The following ANKRD12 variants were observed in gnomAD, a reference collection of about 807,000 sequenced individuals.
ANKRD12 encodes ankyrin repeat domain 12.
A neutral mutation model predicts 183.4 loss-of-function variants in ANKRD12; 85 were observed. The observed-to-expected ratio is 0.46, with a 90% confidence interval of 0.39 to 0.56. The LOEUF is 0.56. ANKRD12 is among the 20% of genes least tolerant of loss of function. ANKRD12 has a pLI of 0.00. For synonymous variants in ANKRD12, 914 were observed against 800.2 expected, an observed-to-expected ratio of 1.14 and a Z score of -2.40; for missense variants, 2,405 against 2,357.1, an observed-to-expected ratio of 1.02 and a Z score of -0.42.
chr18:9,156,151 A>AAAAG (rs1555707200), intron 1 of ANKRD12, among the ~76,000 whole-genome samples: 3 of 150,652 alleles, frequency 2.0e-5, no homozygotes, highest in Non-Finnish European at 3.0e-5. Flanking sequence ...AAAAAAAAAA[A>AAAAG]AAAAGAAAAA....
rs749820974 is a variant in ANKRD12 at position 9,256,150 on chromosome 18, G to A, written c.2883G>A (p.Lys961=). The change falls in exon 9 of 13, where the codon AAG becomes AAA. Residue 961 remains lysine (K), a synonymous_variant. Transcript: ENST00000262126. ...NKEKDRELDK[K]EKSRDKESIN... ...AAAAAGACAGGGAGCTAGATAAAAA[G>A]GAAAAATCTAGAGATAAAGAAAGTA... 3.9e-6 allele frequency: 6 copies of A among 1,553,796 alleles called. No homozygotes were observed. In the Admixed American group the frequency reaches 1.4e-4, roughly 36 times the overall value.
At chr18:9,248,152 T>C (rs1893198) in intron 8 of ANKRD12, among the ~76,000 whole-genome samples, 104,009 of 152,136 alleles carry the variant, frequency 0.68, 36,063 homozygotes, top group Middle Eastern at 0.81. Flanking sequence ...TTTTACAGTT[T>C]ACCTGTAGTG....
chr18:9,253,316 G>A (rs899525375), intron 8 of ANKRD12, among the ~76,000 whole-genome samples: 11 of 151,884 alleles, frequency 7.2e-5, no homozygotes, highest in Admixed American at 5.9e-4. Flanking sequence ...CTGTATTTTT[G>A]TACCCATTAA....
chr18:9,265,047 T>C (rs1280168706), intron 10 of ANKRD12, among the ~76,000 whole-genome samples: 2 of 152,098 alleles, frequency 1.3e-5, no homozygotes, highest in Admixed American at 1.3e-4. Context: ...CAGTCTGAGA[T>C]CAAACCGCAA....
intron 8 of ANKRD12, among the ~76,000 whole-genome samples, chr18:9,248,077 C>A (rs575456607): frequency 1.5e-4 from 23 of 152,304 alleles, no homozygotes; most frequent in African/African-American, 5.5e-4. Flanking sequence ...CATGAGCCAC[C>A]GTGCCCAACC....
chr18:9,203,234 A>G (rs1022584625), intron 3 of ANKRD12, among the ~76,000 whole-genome samples: 2 of 152,174 alleles, frequency 1.3e-5, no homozygotes, highest in Admixed American at 6.5e-5. Context: ...AATGTTATTG[A>G]TGATTCCTCT....
intron 8 of ANKRD12, among the ~76,000 whole-genome samples, chr18:9,238,550 A>G (rs1195140451): frequency 6.6e-6 from 1 of 152,210 alleles, no homozygotes; most frequent in Non-Finnish European, 1.5e-5. Context: ...CTCGAGAGTC[A>G]TCTAAACTCC....
chr18:9,240,323 T>C (rs1014258067), intron 8 of ANKRD12, among the ~76,000 whole-genome samples: 1 of 152,198 alleles, frequency 6.6e-6, no homozygotes, highest in Non-Finnish European at 1.5e-5. Flanking sequence ...ACTTCTGCCT[T>C]TTTCCATTAG....
At chr18:9,234,362 A>T (rs1477253709) in intron 8 of ANKRD12, among the ~76,000 whole-genome samples, 1 of 152,164 alleles carries the variant, frequency 6.6e-6, no homozygotes, top group Non-Finnish European at 1.5e-5. Context: ...TCTCTCTCTC[A>T]CAAGGCTGAG....
At chr18:9,139,099 G>A (rs1246955566) in intron 1 of ANKRD12, among the ~76,000 whole-genome samples, 1 of 152,206 alleles carries the variant, frequency 6.6e-6, no homozygotes, top group Admixed American at 6.5e-5. Context: ...CGCAGAACTG[G>A]GAAAGTGGAA....
chr18:9,162,075 G>C (rs1386050198), intron 1 of ANKRD12, among the ~76,000 whole-genome samples: 4 of 152,002 alleles, frequency 2.6e-5, no homozygotes, highest in African/African-American at 9.7e-5. Flanking sequence ...TGTGCAGTAT[G>C]TGCAGGTTTG....
chr18:9,273,459 G>A (rs968975406), intron 10 of ANKRD12, among the ~76,000 whole-genome samples: 22 of 152,108 alleles, frequency 1.4e-4, no homozygotes, highest in African/African-American at 5.3e-4. Flanking sequence ...CCAGTAGAAT[G>A]GCTGTAATAA....
chr18:9,215,820 C>T (rs890385554), intron 6 of ANKRD12, among the ~76,000 whole-genome samples: 6 of 151,952 alleles, frequency 3.9e-5, no homozygotes, highest in East Asian at 3.9e-4. Flanking sequence ...AAAAAGGTAG[C>T]GGGTGAAAAG....
intron 8 of ANKRD12, among the ~76,000 whole-genome samples, chr18:9,224,024 A>C (rs976207013): frequency 1.3e-5 from 2 of 152,252 alleles, no homozygotes; most frequent in Non-Finnish European, 2.9e-5. Flanking sequence ...TCTAAGTATT[A>C]TATAAAGAAA....
rs1156486539 is a variant in ANKRD12 at position 9,149,803 on chromosome 18, T to A, written c.-52+12838T>A. 1.6e-4 allele frequency among the ~76,000 whole-genome samples: 22 copies of A among 140,040 alleles called. No homozygotes were observed. In the East Asian group the frequency reaches 2.4e-3, roughly 16 times the overall value. 91.9% of individuals were successfully genotyped at this position (140,040 alleles called of 152,430 possible). A position where few individuals can be genotyped will look rare whatever the true frequency, so the allele number is the denominator to read the frequency against. ...TTATTTATTTATTAAATTTTATTTT[T>A]TTTTTTTTTTGAGACGGAGTCTCAC... On this transcript the variant is annotated intron_variant, in intron 1 of 12. Transcript: ENST00000262126.
At chr18:9,246,255 T>C (rs2145064120) in intron 8 of ANKRD12, among the ~76,000 whole-genome samples, 1 of 152,320 alleles carries the variant, frequency 6.6e-6, no homozygotes, top group Admixed American at 6.5e-5. Flanking sequence ...CTATCTCCAC[T>C]CCATTTCCTT....
chr18:9,271,154 C>T (rs974463383), intron 10 of ANKRD12, among the ~76,000 whole-genome samples: 2 of 152,150 alleles, frequency 1.3e-5, no homozygotes, highest in East Asian at 3.9e-4. Context: ...TCACTGCAGC[C>T]TCAACCTTCC....
rs1218055309 is a variant in ANKRD12, at chr18:9,232,070, G to A, written c.943+10071G>A. Reference sequence around the variant, plus strand: ...CAATTTTATTGATATGTGAAGATTTGTTTCTGTTGTATTGTTGTTTTCAGG... The same window carrying A: ...CAATTTTATTGATATGTGAAGATTTATTTCTGTTGTATTGTTGTTTTCAGG... On this transcript the variant is annotated intron_variant, in intron 8 of 12. Transcript: ENST00000262126. Among the ~76,000 whole-genome samples the A allele has an allele frequency of 6.6e-5, 10 of 151,964 alleles. No individual in the cohort carries two copies. In the East Asian group the frequency reaches 1.9e-3, roughly 29 times the overall value.
In ANKRD12 at chr18:9,192,397, G is replaced by A. The variant is rs374584061; in HGVS notation, c.88-3154G>A. 5.9e-5 allele frequency among the ~76,000 whole-genome samples: 9 copies of A among 152,222 alleles called. No individual in the cohort carries two copies. In the East Asian group the frequency reaches 9.6e-4, roughly 16 times the overall value. On this transcript the variant is annotated intron_variant, in intron 2 of 12. Coordinates refer to ENST00000262126, the MANE Select transcript of ANKRD12 (RefSeq NM_015208.5). ...TCCTTGCATTCTCTAGATGAGCCCT[G>A]CTTGATTATAATATATTCTAAGAAT...
Sources: gnomAD v4.1 joint callset for allele counts (sites outside exome capture counted in the v4.1 genomes callset) on GRCh38, gnomAD v4.1.1 for gene constraint, MANE v1.5 for transcripts, NCBI Gene and HGNC (gene_info 2026-07-23, HGNC 2026-07-21) for gene names.